Variants in RAP1GAP observed in about 807,000 individuals in gnomAD.
RAP1GAP encodes rap1 GTPase-activating protein 1.
In RAP1GAP, 35 loss-of-function variants were observed where a neutral mutation model predicts 87.2. The observed-to-expected ratio is 0.40, with a 90% confidence interval of 0.31 to 0.53. The LOEUF is 0.53. Ranked by LOEUF, RAP1GAP falls within the 20% of genes least tolerant of loss-of-function variation. The pLI is 0.48. For synonymous variants in RAP1GAP, 375 were observed against 363.9 expected (o/e 1.03, Z -0.35); for missense variants, 734 against 898.9 (o/e 0.82, Z 2.35).
rs545223554 is a variant in RAP1GAP at position 21,634,690 on chromosome 1, A to G, written c.-112-8293T>C. On this transcript the variant is annotated intron_variant, in intron 2 of 24. Transcript: ENST00000374765. The surrounding 1 kb of genome is among the most constrained non-coding windows in gnomAD (Gnocchi z 4.1). Reference sequence around the variant, plus strand: ...CCTCCTGAACAAATAACAGGTTGGCAGCCTAGAGAGGTGGTCACGGGACCG... The same window carrying G: ...CCTCCTGAACAAATAACAGGTTGGCGGCCTAGAGAGGTGGTCACGGGACCG... 26 of 342,394 alleles carry G rather than the reference A, an allele frequency of 7.6e-5. 1 individual carries two copies. The highest frequency in any genetic ancestry group is 5.2e-4 in the South Asian group (25 of 48,420). 21.2% of individuals were successfully genotyped at this position (342,394 alleles called of 1,614,324 possible). A position where few individuals can be genotyped will look rare whatever the true frequency, so the allele number is the denominator to read the frequency against.
intron 2 of RAP1GAP, among the ~76,000 whole-genome samples, chr1:21,632,416 G>A (rs16825746): frequency 0.12 from 18,440 of 152,132 alleles, 1,311 homozygotes; most frequent in East Asian, 0.35. Context: ...GACTCTCACC[G>A]GAACTGGAAT....
chr1:21,664,342 C>G (rs1436752995), intron 1 of RAP1GAP, among the ~76,000 whole-genome samples: 1 of 152,182 alleles, frequency 6.6e-6, no homozygotes, highest in Non-Finnish European at 1.5e-5. Context: ...GTTCCTCATT[C>G]CAGGCTAGTG....
intron 5 of RAP1GAP, among the ~76,000 whole-genome samples, chr1:21,618,340 A>G (rs951063498): frequency 6.6e-6 from 1 of 152,080 alleles, no homozygotes; most frequent in East Asian, 1.9e-4. Context: ...CTCTGCCCCA[A>G]AGAGAGCATC....
At position 21,603,746 on chromosome 1, in the gene RAP1GAP, A is replaced by G; in HGVS notation, c.1429-833T>C. Reference sequence around the variant, plus strand: ...GGCCTGTCCCGGGGGCAGAGGGGCAACGTCCCCAATATGGCCTCCGTCCTG... The same window carrying G: ...GGCCTGTCCCGGGGGCAGAGGGGCAGCGTCCCCAATATGGCCTCCGTCCTG... On this transcript the variant is annotated intron_variant, in intron 18 of 24. Coordinates refer to ENST00000374765, the MANE Select transcript of RAP1GAP (RefSeq NM_002885.4). This position sits in a 1 kb window ranked among gnomAD's most constrained non-coding sequence, Gnocchi z 6.0. 1 of 1,414,590 alleles carries G rather than the reference A, an allele frequency of 7.1e-7. No homozygotes were observed. Among genetic ancestry groups the G allele is most frequent in the Non-Finnish European group, 1.0e-6 (1 of 1,001,618 alleles). The allele number at this position is 1,414,590 out of a possible 1,614,324, so 87.6% of individuals were successfully genotyped here.
chr1:21,606,301 C>G lies in RAP1GAP; in HGVS notation c.1297-104G>C, dbSNP rs978862094. The G allele has an allele frequency of 2.4e-5, 35 of 1,448,958 alleles. No homozygotes were observed. In the African/African-American group the frequency reaches 4.7e-4, roughly 19 times the overall value. 89.8% of individuals were successfully genotyped at this position (1,448,958 alleles called of 1,614,324 possible). On this transcript the variant is annotated intron_variant, in intron 17 of 24. Transcript: ENST00000374765. ...CTGGTCTCTCCCCAGCAATGCCACT[C>G]TGGGTAAGCCCTGGAAATCCCTTCC...
intron 7 of RAP1GAP, among the ~76,000 whole-genome samples, chr1:21,616,190 C>CATAT (rs56123358): frequency 7.3e-6 from 1 of 136,468 alleles, no homozygotes. Flanking sequence ...CACACACACA[C>CATAT]ATACAATGAC....
chr1:21,620,179 C>T (rs915585913), intron 3 of RAP1GAP, 129 bp from the exon 4 acceptor site: 18 of 874,078 alleles, frequency 2.1e-5, no homozygotes, highest in Non-Finnish European at 2.9e-5. Context: ...GAGTAGCAAG[C>T]GGGAGTGACG....
intron 2 of RAP1GAP, among the ~76,000 whole-genome samples, chr1:21,641,309 A>G (rs1174988096): frequency 6.6e-6 from 1 of 152,084 alleles, no homozygotes; most frequent in Non-Finnish European, 1.5e-5. Context: ...ATGATCTGGA[A>G]TGTTCCAGCT....
intron 1 of RAP1GAP, among the ~76,000 whole-genome samples, chr1:21,655,527 C>T (rs1251442146): frequency 1.3e-5 from 2 of 152,250 alleles, no homozygotes; most frequent in Admixed American, 6.5e-5. Context: ...ATCACTGCTC[C>T]GCAGTCAGCA....
chr1:21,598,016 G>C lies in RAP1GAP; in HGVS notation c.1928C>G (p.Ala643Gly), dbSNP rs142729908. 6.3e-7 allele frequency: 1 copy of C among 1,583,172 alleles called. No homozygotes were observed. Among genetic ancestry groups the C allele is most frequent in the African/African-American group, 1.3e-5 (1 of 74,460 alleles). ...CAGCTGGATCTTGATCTCGGGACAC[G>C]CAGGGTCCCCCAACTTGCCGGCGTC... is the stretch of plus-strand genomic sequence containing the variant. ...HPDAGKLGDPACPEIKIQLEA... is the reference protein window; with the variant it reads ...HPDAGKLGDPGCPEIKIQLEA... Residue 643 changes from alanine (A) to glycine (G), a missense_variant, in exon 23 of 25, where the codon GCG (alanine) becomes GGG (glycine). Transcript: ENST00000374765.
At chr1:21,601,568 T>A (rs1051455055) in intron 20 of RAP1GAP, 116 bp downstream of exon 20, 2 of 682,638 alleles carry the variant, frequency 2.9e-6, no homozygotes, top group Non-Finnish European at 4.5e-6. Flanking sequence ...CAGGTCCCCC[T>A]GACACCCTGC....
At position 21,651,350 on chromosome 1, in the gene RAP1GAP, G is replaced by C. The variant is rs745833091; in HGVS notation, c.-148-1554C>G. ...CTGCAGAGGCAAAGTGGGAGGTCCA[G>C]CAGAACCTCCCCCTGACCTGCCTGC... On this transcript the variant is annotated intron_variant, in intron 1 of 24. Transcript: ENST00000374765. The C allele has an allele frequency of 9.6e-5, 46 of 478,562 alleles. 1 individual carries two copies. The highest frequency in any genetic ancestry group is 7.9e-4 in the Admixed American group (36 of 45,692). 29.6% of individuals were successfully genotyped at this position (478,562 alleles called of 1,614,324 possible).
chr1:21,609,430 G>T lies in RAP1GAP; in HGVS notation c.1071+145C>A. 2.0e-6 allele frequency: 1 copy of T among 491,140 alleles called. No homozygotes were observed. 30.4% of individuals were successfully genotyped at this position (491,140 alleles called of 1,614,324 possible). ...AGGTGTTTTCAAGATGAATGGAAAAGCCAGGCCCCGGTTGCAGTTAGGGGA... is the reference window on the plus strand; with the variant it reads ...AGGTGTTTTCAAGATGAATGGAAAATCCAGGCCCCGGTTGCAGTTAGGGGA... On this transcript the variant is annotated intron_variant, in intron 15 of 24. Coordinates refer to ENST00000374765, the MANE Select transcript of RAP1GAP (RefSeq NM_002885.4). The surrounding 1 kb of genome is among the most constrained non-coding windows in gnomAD (Gnocchi z 4.4).
chr1:21,635,134 C>T (rs936895643), intron 2 of RAP1GAP, among the ~76,000 whole-genome samples: 3 of 152,278 alleles, frequency 2.0e-5, no homozygotes, highest in Non-Finnish European at 4.4e-5. Flanking sequence ...AGCTGCTCTG[C>T]CCCCTGCCCA....
chr1:21,620,150 G>T, intron 3 of RAP1GAP, 100 bp from the exon 4 acceptor site: 1 of 1,287,364 alleles, frequency 7.8e-7, no homozygotes, highest in Non-Finnish European at 1.1e-6. Flanking sequence ...GCTCTGATCA[G>T]TGACCGAGGC....
intron 2 of RAP1GAP, among the ~76,000 whole-genome samples, chr1:21,647,290 G>A (rs1464170528): frequency 6.6e-6 from 1 of 152,076 alleles, no homozygotes; most frequent in African/African-American, 2.4e-5. Context: ...GTGAGACCTT[G>A]TCTCTACTAA....
At position 21,624,722 on chromosome 1, in the gene RAP1GAP, C is replaced by G. The variant is rs188273918; in HGVS notation, c.-19+1582G>C. ...GCCCGCTGTCTGAGCTGTGTTGGCA[C>G]AAACGGAGGCTTCTAGCCAGACTGG... On this transcript the variant is annotated intron_variant, in intron 3 of 24. Coordinates refer to ENST00000374765, the MANE Select transcript of RAP1GAP (RefSeq NM_002885.4). Among the ~76,000 whole-genome samples, 9 of 152,308 alleles carry G rather than the reference C, an allele frequency of 5.9e-5. No homozygotes were observed. The East Asian group carries it at 1.2e-3, about 20-fold the overall frequency.
rs1266145478 is a variant in RAP1GAP, at chr1:21,596,723, G to A, written c.*576C>T. The A allele has an allele frequency of 6.6e-6, 1 of 152,232 alleles. No homozygotes were observed. The highest frequency in any genetic ancestry group is 1.5e-5 in the Non-Finnish European group (1 of 68,038). 9.4% of individuals were successfully genotyped at this position (152,232 alleles called of 1,614,324 possible). ...ATCCTACCTTCTAAGGCAGGTGCAT[G>A]TAATCACAGTCTTCAGTGACCTCTG... On this transcript the variant is annotated 3_prime_UTR_variant, in exon 25 of 25. Transcript: ENST00000374765.
In RAP1GAP at chr1:21,602,888, G is replaced by A; in HGVS notation, c.1454C>T (p.Pro485Leu). The A allele has an allele frequency of 6.2e-7, 1 of 1,610,352 alleles. No individual in the cohort carries two copies. Among genetic ancestry groups the A allele is most frequent in the Non-Finnish European group, 8.5e-7 (1 of 1,179,570 alleles). ...GISLIVPGKSPTRKKSGPFGS... is the reference protein window; with the variant it reads ...GISLIVPGKSLTRKKSGPFGS... ...GAACGGGCCCGACTTCTTCCTCGTG[G>A]GGCTCTTCCCAGGGACAATCAGTGA... The change falls in exon 19 of 25, where the codon CCC (proline) becomes CTC (leucine). Residue 485 changes from proline (P) to leucine (L), a missense_variant. By Grantham distance (98) the Pro-to-Leu change is moderately conservative. Around this residue, in one of 2 missense-constraint regions of RAP1GAP, gnomAD observed 249 missense variants for 252.7 expected, o/e 0.99. Coordinates refer to ENST00000374765, the MANE Select transcript of RAP1GAP (RefSeq NM_002885.4).
Sources: gnomAD v4.1 joint callset for allele counts (sites outside exome capture counted in the v4.1 genomes callset) on GRCh38, gnomAD v4.1.1 for gene constraint, gnomAD v4.1.1 regional missense constraint, Gnocchi (gnomAD v3.1) non-coding constraint, MANE v1.5 for transcripts, NCBI Gene and HGNC (gene_info 2026-07-23, HGNC 2026-07-21) for gene names.